COLEC12: variants seen among roughly 807,000 people sequenced by gnomAD.
COLEC12 encodes the protein collectin subfamily member 12, also known as collectin-12.
Under a neutral mutation model 71.1 loss-of-function variants are expected in COLEC12, and 33 were observed. That is an observed-to-expected ratio of 0.46 (90% CI 0.35 to 0.62). COLEC12 has a LOEUF of 0.62. Ranked by LOEUF, COLEC12 falls within the 20% of genes least tolerant of loss-of-function variation. The probability of loss-of-function intolerance (pLI) is 0.00; values close to 1 mark genes in which losing one functional copy is unlikely to be tolerated. For synonymous variants in COLEC12, 350 were observed against 353.0 expected, an observed-to-expected ratio of 0.99 and a Z score of 0.10; for missense variants, 765 against 916.1, an observed-to-expected ratio of 0.84 and a Z score of 2.13.
chr18:431,634 T>C (rs1156970104), intron 2 of COLEC12, among the ~76,000 whole-genome samples: 2 of 152,120 alleles, frequency 1.3e-5, no homozygotes. Flanking sequence ...GAGTGTGACA[T>C]GTTGAGTTTG....
chr18:395,458 C>A (rs550190443), intron 2 of COLEC12, among the ~76,000 whole-genome samples: 5 of 152,160 alleles, frequency 3.3e-5, no homozygotes, highest in African/African-American at 1.2e-4. Flanking sequence ...TCAACCCCTG[C>A]GAGCACTGGA....
intron 2 of COLEC12, among the ~76,000 whole-genome samples, chr18:400,161 G>A (rs1217825834): frequency 6.6e-6 from 1 of 152,044 alleles, no homozygotes; most frequent in African/African-American, 2.4e-5. Context: ...AGATGGAAAG[G>A]GTCCTGAAAA....
intron 2 of COLEC12, among the ~76,000 whole-genome samples, chr18:401,455 A>G (rs1915684403): frequency 6.6e-6 from 1 of 152,240 alleles, no homozygotes; most frequent in Non-Finnish European, 1.5e-5. Context: ...CAGGATTTCA[A>G]AAGGCCAATT....
chr18:330,809 G>A (rs1165330746), intron 8 of COLEC12, among the ~76,000 whole-genome samples: 4 of 151,276 alleles, frequency 2.6e-5, no homozygotes, highest in East Asian at 1.9e-4. Flanking sequence ...TGGTTATCCC[G>A]CAAATGCAAC....
At chr18:428,929 A>AT (rs1272462102) in intron 2 of COLEC12, among the ~76,000 whole-genome samples, 5 of 152,200 alleles carry the variant, frequency 3.3e-5, no homozygotes, top group Non-Finnish European at 1.5e-5. Flanking sequence ...TATAAAAGGT[A>AT]TTTTTTAACC....
intron 2 of COLEC12, among the ~76,000 whole-genome samples, chr18:473,781 C>T (rs1917250746): frequency 6.6e-6 from 1 of 152,210 alleles, no homozygotes; most frequent in African/African-American, 2.4e-5. Flanking sequence ...TGGAAACAAC[C>T]TAAATGTCTT....
Position 486,121 on chromosome 18 carries a change from T to C in COLEC12, c.8-5364A>G, listed in dbSNP as rs1917514351. ...ACCATGTTTGCAGAAGAGAGGAGACTAATATACTTAGTACCTGCTGTATGC... is the reference window on the plus strand; with the variant it reads ...ACCATGTTTGCAGAAGAGAGGAGACCAATATACTTAGTACCTGCTGTATGC... On this transcript the variant is annotated intron_variant, in intron 1 of 9. Transcript: ENST00000400256. Among the ~76,000 whole-genome samples the C allele has an allele frequency of 2.0e-5, 3 of 152,392 alleles. No individual in the cohort carries two copies. In the South Asian group the frequency reaches 6.2e-4, roughly 32 times the overall value.
At chr18:459,720 G>A (rs1916940969) in intron 2 of COLEC12, among the ~76,000 whole-genome samples, 1 of 152,222 alleles carries the variant, frequency 6.6e-6, no homozygotes, top group Admixed American at 6.5e-5. Context: ...CCAGGGCCAA[G>A]ACAGAATTTC....
At chr18:370,959 T>C (rs1335010398) in intron 2 of COLEC12, among the ~76,000 whole-genome samples, 1 of 152,174 alleles carries the variant, frequency 6.6e-6, no homozygotes, top group African/African-American at 2.4e-5. Flanking sequence ...AAAAGAAGGA[T>C]TCAGTGATTC....
intron 2 of COLEC12, among the ~76,000 whole-genome samples, chr18:423,510 A>G (rs991106102): frequency 1.3e-5 from 2 of 152,196 alleles, no homozygotes; most frequent in African/African-American, 4.8e-5. Flanking sequence ...TGCATAAACT[A>G]TCAGGTGCCA....
rs773202388 is a variant in COLEC12 at position 347,132 on chromosome 18, T to G, written c.490A>C (p.Ile164Leu). 5.0e-6 allele frequency: 8 copies of G among 1,614,218 alleles called. No homozygotes were observed. Among genetic ancestry groups the G allele is most frequent in the Non-Finnish European group, 6.8e-6 (8 of 1,180,048 alleles). Reference protein sequence around the residue: ...KETLENNSFLITTVNKTLQAY... With the variant: ...KETLENNSFLLTTVNKTLQAY... Reference sequence around the variant, plus strand: ...TGGAGGGTTTTGTTTACAGTGGTGATGAGGAAAGAGTTATTCTCCAAAGTT... The same window carrying G: ...TGGAGGGTTTTGTTTACAGTGGTGAGGAGGAAAGAGTTATTCTCCAAAGTT... The change falls in exon 5 of 10, where the codon ATC (isoleucine) becomes CTC (leucine). Residue 164 changes from isoleucine (I) to leucine (L), a missense_variant. Ile to Leu is a conservative substitution (Grantham distance 5, BLOSUM62 2). Transcript: ENST00000400256.
chr18:420,178 C>T (rs911032843), intron 2 of COLEC12, among the ~76,000 whole-genome samples: 5 of 152,098 alleles, frequency 3.3e-5, no homozygotes, highest in African/African-American at 1.2e-4. Flanking sequence ...TAATAATAAT[C>T]AATTGCTTTA....
chr18:345,984 G>A (rs1366549275), intron 5 of COLEC12, among the ~76,000 whole-genome samples: 3 of 152,176 alleles, frequency 2.0e-5, no homozygotes, highest in Non-Finnish European at 4.4e-5. Flanking sequence ...CACATTGTGA[G>A]GACACTCAAG....
rs1391696230 is a variant in COLEC12, at chr18:408,059, C to T, written c.59-50537G>A. On this transcript the variant is annotated intron_variant, in intron 2 of 9. Transcript: ENST00000400256. This position sits in a 1 kb window ranked among gnomAD's most constrained non-coding sequence, Gnocchi z 4.3. ...TCATGCAGAGAAGGAATCCAGTTGG[C>T]ACTAACCTAGGAAATGAATTTTTAA... Among the ~76,000 whole-genome samples the T allele has an allele frequency of 2.6e-5, 4 of 152,158 alleles. No homozygotes were observed. The highest frequency in any genetic ancestry group is 5.9e-5 in the Non-Finnish European group (4 of 68,040).
Position 334,820 on chromosome 18 carries a change from G to T in COLEC12, c.1738C>A (p.Pro580Thr). Residue 580 changes from proline (P) to threonine (T), a missense_variant, in exon 6 of 10, where the codon CCC becomes ACC. Pro to Thr is a conservative substitution (Grantham distance 38, BLOSUM62 -1). Coordinates refer to ENST00000400256, the MANE Select transcript of COLEC12 (RefSeq NM_130386.3). ...GCTCCTGATGGGCCAGGAGGGCCGGGGGGGCCCTTGGGGCCTGGCATGCCT... is the reference window on the plus strand; with the variant it reads ...GCTCCTGATGGGCCAGGAGGGCCGGTGGGGCCCTTGGGGCCTGGCATGCCT... ...VPGMPGPKGP[P>T]GPPGPSGAVV... The T allele has an allele frequency of 6.6e-7, 1 of 1,518,694 alleles. No individual in the cohort carries two copies. The highest frequency in any genetic ancestry group is 8.8e-7 in the Non-Finnish European group (1 of 1,140,946). 94.1% of individuals were successfully genotyped at this position (1,518,694 alleles called of 1,614,324 possible). A position where few individuals can be genotyped will look rare whatever the true frequency, so the allele number is the denominator to read the frequency against.
chr18:376,639 C>T (rs1192921394), intron 2 of COLEC12, among the ~76,000 whole-genome samples: 1 of 152,208 alleles, frequency 6.6e-6, no homozygotes, highest in African/African-American at 2.4e-5. Flanking sequence ...GGGGAGCTCC[C>T]ACCCTGCTTA....
At chr18:424,783 G>C in intron 2 of COLEC12, among the ~76,000 whole-genome samples, 1 of 152,184 alleles carries the variant, frequency 6.6e-6, no homozygotes, top group East Asian at 1.9e-4. Flanking sequence ...CTCTGTGTCA[G>C]GCCTGCATCA....
At chr18:418,325 A>C (rs564009091) in intron 2 of COLEC12, among the ~76,000 whole-genome samples, 1 of 152,292 alleles carries the variant, frequency 6.6e-6, no homozygotes, top group South Asian at 2.1e-4. Context: ...CCAAATGGTG[A>C]TATTTCTTTA....
chr18:423,365 TCAAGTCTAGAATACA>T (rs1453298023), intron 2 of COLEC12, among the ~76,000 whole-genome samples: 1 of 152,194 alleles, frequency 6.6e-6, no homozygotes, highest in Non-Finnish European at 1.5e-5. Context: ...GACATTTCCC[TCAAGTCTAGAATACA>T]CAGGATTAAA....
Sources: gnomAD v4.1 joint callset for allele counts (sites outside exome capture counted in the v4.1 genomes callset) on GRCh38, gnomAD v4.1.1 for gene constraint, Gnocchi (gnomAD v3.1) non-coding constraint, MANE v1.5 for transcripts, NCBI Gene and HGNC (gene_info 2026-07-23, HGNC 2026-07-21) for gene names.